PPME1: variants seen among roughly 807,000 people sequenced by gnomAD.
The protein encoded by PPME1 is testicular secretory protein Li 39.
A neutral mutation model predicts 56.9 loss-of-function variants in PPME1; 17 were observed. The ratio of observed to expected loss-of-function variants is 0.30; its 90% CI spans 0.20 to 0.45. The LOEUF (loss-of-function observed/expected upper bound fraction) is 0.45. PPME1 is among the 20% of genes least tolerant of loss of function. The pLI is 1.00. For missense variants in PPME1, 357 were observed against 483.2 expected, an observed-to-expected ratio of 0.74 and a Z score of 2.45; for synonymous variants, 122 against 156.2, an observed-to-expected ratio of 0.78 and a Z score of 1.63.
Position 74,251,487 on chromosome 11 carries a change from C to T in PPME1, c.1075-161C>T. On this transcript the variant is annotated intron_variant, in intron 12 of 13. Coordinates refer to ENST00000328257, the MANE Select transcript of PPME1 (RefSeq NM_016147.3). ...AGGATAGTGGGGAGGAGTCTTCTAG[C>T]TCTGCTAGGGAGGGCCTAGGTCCTT... 4.2e-6 allele frequency: 6 copies of T among 1,440,632 alleles called. No homozygotes were observed. In the South Asian group the frequency reaches 9.1e-5, roughly 22 times the overall value. The allele number at this position is 1,440,632 out of a possible 1,614,324, so 89.2% of individuals were successfully genotyped here.
At chr11:74,245,400 A>G (rs1185172194) in intron 9 of PPME1, among the ~76,000 whole-genome samples, 1 of 152,152 alleles carries the variant, frequency 6.6e-6, no homozygotes. Context: ...AAATATTTCA[A>G]TGGTACAGAA....
chr11:74,184,320 TA>T (rs1857615128), intron 1 of PPME1, among the ~76,000 whole-genome samples: 3 of 152,216 alleles, frequency 2.0e-5, no homozygotes, highest in Admixed American at 1.3e-4. Context: ...CTGGGTTTCA[TA>T]AAAAATGGCA....
At chr11:74,204,586 GTTC>G in intron 3 of PPME1, 141 bp downstream of exon 3, 1 of 647,124 alleles carries the variant, frequency 1.5e-6, no homozygotes, top group Non-Finnish European at 2.7e-6. Context: ...TGGGTGGTAT[GTTC>G]TTCAGTATGT....
chr11:74,253,809 T>C lies in PPME1; in HGVS notation c.*299T>C. The C allele has an allele frequency of 1.9e-6, 1 of 530,398 alleles. No individual in the cohort carries two copies. The highest frequency in any genetic ancestry group is 2.6e-5 in the South Asian group (1 of 37,782). The allele number at this position is 530,398 out of a possible 1,614,324, so 32.9% of individuals were successfully genotyped here. ...GTTGCCTAGGGTAAAGCCTCCAGATTTGCCATACTGAGCCCCTCTTCCTAG... is the reference window on the plus strand; with the variant it reads ...GTTGCCTAGGGTAAAGCCTCCAGATCTGCCATACTGAGCCCCTCTTCCTAG... On this transcript the variant is annotated 3_prime_UTR_variant, in exon 14 of 14. Coordinates refer to ENST00000328257, the MANE Select transcript of PPME1 (RefSeq NM_016147.3).
intron 3 of PPME1, among the ~76,000 whole-genome samples, chr11:74,214,615 C>T (rs1173974228): frequency 6.6e-6 from 1 of 151,722 alleles, no homozygotes; most frequent in Non-Finnish European, 1.5e-5. Context: ...TCCAGTACAT[C>T]TGGAAGCAGA....
chr11:74,253,731 C>G lies in PPME1; in HGVS notation c.*221C>G, dbSNP rs970792289. On this transcript the variant is annotated 3_prime_UTR_variant, in exon 14 of 14. Coordinates refer to ENST00000328257, the MANE Select transcript of PPME1 (RefSeq NM_016147.3). ...CATCGGCTTCCCCAGTCCAGGGCTCCCCTGCTCCTTTCCCTTCCCTGTACT... is the reference window on the plus strand; with the variant it reads ...CATCGGCTTCCCCAGTCCAGGGCTCGCCTGCTCCTTTCCCTTCCCTGTACT... The G allele has an allele frequency of 1.6e-5, 10 of 610,322 alleles. No individual in the cohort carries two copies. Among genetic ancestry groups the G allele is most frequent in the Non-Finnish European group, 2.6e-5 (9 of 343,100 alleles). The allele number at this position is 610,322 out of a possible 1,614,324, so 37.8% of individuals were successfully genotyped here. A position where few individuals can be genotyped will look rare whatever the true frequency, so the allele number is the denominator to read the frequency against.
At chr11:74,245,429 A>AT (rs1353705170) in intron 9 of PPME1, among the ~76,000 whole-genome samples, 1 of 152,072 alleles carries the variant, frequency 6.6e-6, no homozygotes, top group Non-Finnish European at 1.5e-5. Context: ...AGAATTATTT[A>AT]TTTTTTCAGC....
chr11:74,182,772 T>G (rs1241611318), intron 1 of PPME1, among the ~76,000 whole-genome samples: 1 of 152,218 alleles, frequency 6.6e-6, no homozygotes, highest in Non-Finnish European at 1.5e-5. Flanking sequence ...AAAACTGGAC[T>G]GCTCTTTTAA....
At chr11:74,178,141 C>T (rs943764701) in intron 1 of PPME1, among the ~76,000 whole-genome samples, 2 of 152,166 alleles carry the variant, frequency 1.3e-5, no homozygotes, top group African/African-American at 4.8e-5. Flanking sequence ...TTTTGCCATC[C>T]TTAGAATGGT....
intron 1 of PPME1, among the ~76,000 whole-genome samples, chr11:74,188,863 A>G (rs1194772169): frequency 6.6e-6 from 1 of 152,200 alleles, no homozygotes; most frequent in Non-Finnish European, 1.5e-5. Context: ...CATTAAGGTA[A>G]TTTGTTCTCT....
intron 9 of PPME1, among the ~76,000 whole-genome samples, chr11:74,241,480 T>C (rs1565395144): frequency 6.6e-6 from 1 of 152,216 alleles, no homozygotes; most frequent in Admixed American, 6.5e-5. Flanking sequence ...GGATATAGGC[T>C]TTTATTATTT....
At chr11:74,206,748 G>A (rs1035158596) in intron 3 of PPME1, among the ~76,000 whole-genome samples, 3 of 151,904 alleles carry the variant, frequency 2.0e-5, no homozygotes, top group African/African-American at 7.3e-5. Context: ...TAATTTTTTT[G>A]TAGAGACAGG....
chr11:74,251,255 T>G, intron 12 of PPME1: 5 of 1,379,112 alleles, frequency 3.6e-6, no homozygotes, highest in Non-Finnish European at 4.7e-6. Flanking sequence ...GGCCCTGTGG[T>G]TAAGATCTTA....
chr11:74,181,761 G>A (rs899421302), intron 1 of PPME1, among the ~76,000 whole-genome samples: 4 of 152,174 alleles, frequency 2.6e-5, no homozygotes, highest in Non-Finnish European at 1.5e-5. Flanking sequence ...ATTTTACCAG[G>A]AATCAGCAAA....
At chr11:74,206,219 T>G (rs981370273) in intron 3 of PPME1, among the ~76,000 whole-genome samples, 1 of 152,210 alleles carries the variant, frequency 6.6e-6, no homozygotes, top group Non-Finnish European at 1.5e-5. Context: ...ATGTATGTAT[T>G]TATTTTTTAA....
intron 3 of PPME1, among the ~76,000 whole-genome samples, chr11:74,215,153 CT>C (rs1858596083): frequency 6.6e-6 from 1 of 152,094 alleles, no homozygotes; most frequent in Non-Finnish European, 1.5e-5. Context: ...TGAGACCAGC[CT>C]GGACAACACG....
chr11:74,184,779 A>T (rs775168190), intron 1 of PPME1, among the ~76,000 whole-genome samples: 9 of 152,130 alleles, frequency 5.9e-5, no homozygotes, highest in Non-Finnish European at 1.2e-4. Flanking sequence ...TTTGAAGGAA[A>T]GGACTAAATT....
At chr11:74,222,989 T>C (rs2851710) in intron 4 of PPME1, among the ~76,000 whole-genome samples, 1 of 152,060 alleles carries the variant, frequency 6.6e-6, no homozygotes, top group African/African-American at 2.4e-5. Context: ...ATGTGCACAT[T>C]GTGCAGGTTA....
chr11:74,174,085 C>T (rs897449907), intron 1 of PPME1, among the ~76,000 whole-genome samples: 2 of 152,102 alleles, frequency 1.3e-5, no homozygotes, highest in Admixed American at 6.5e-5. Flanking sequence ...TTCTCTTTCT[C>T]CTTAGAATCA....
Sources: gnomAD v4.1 joint callset for allele counts (sites outside exome capture counted in the v4.1 genomes callset) on GRCh38, gnomAD v4.1.1 for gene constraint, MANE v1.5 for transcripts, NCBI Gene and HGNC (gene_info 2026-07-23, HGNC 2026-07-21) for gene names.